Variants in STARD6 observed in about 807,000 individuals in gnomAD.
STARD6 encodes the protein StAR related lipid transfer domain containing 6, also known as stAR-related lipid transfer protein 6.
Under a neutral mutation model 22.3 loss-of-function variants are expected in STARD6, and 21 were observed. The observed-to-expected ratio is 0.94, with a 90% CI of 0.67 to 1.35. The LOEUF is 1.35. Among genes scored for constraint, STARD6 ranks in the 40% most tolerant of loss-of-function variants. The pLI, the probability that STARD6 is intolerant of heterozygous loss-of-function variation, is 0.00. For synonymous variants in STARD6, 80 were observed against 88.1 expected (o/e 0.91, Z 0.52); for missense variants, 269 against 266.9 (o/e 1.01, Z -0.05).
intron 4 of STARD6, among the ~76,000 whole-genome samples, chr18:54,345,662 C>T (rs1367475818): frequency 1.3e-5 from 2 of 152,128 alleles, no homozygotes; most frequent in Admixed American, 6.5e-5. Flanking sequence ...GTAAGACTCA[C>T]ACTTCTTAAT....
At chr18:54,331,055 G>A (rs771210631) in intron 6 of STARD6, among the ~76,000 whole-genome samples, 5 of 151,946 alleles carry the variant, frequency 3.3e-5, no homozygotes, top group Non-Finnish European at 5.9e-5. Context: ...AATAATTAAC[G>A]AAACGTAGTT....
Position 54,354,085 on chromosome 18 carries a change from T to G in STARD6, c.109A>C (p.Ser37Arg). 2 of 1,567,360 alleles carry G rather than the reference T, an allele frequency of 1.3e-6. No homozygotes were observed. Among genetic ancestry groups the G allele is most frequent in the Admixed American group, 3.6e-5 (2 of 55,856 alleles). ...VKTSKKITVSSKASRKFHGNL... is the reference protein window; with the variant it reads ...VKTSKKITVSRKASRKFHGNL... The stretch of plus-strand genomic sequence containing the variant: ...CCATGGAATTTTCTAGAAGCCTTAC[T>G]GGAAACAGTTATCTTTTTCTCAAAG... The change falls in exon 4 of 8, where the codon AGT becomes CGT. Residue 37 changes from serine (S) to arginine (R), a missense_variant. By Grantham distance (110) the Ser-to-Arg change is moderately radical. Transcript: ENST00000307844.
At position 54,354,581 on chromosome 18, in the gene STARD6, C is replaced by G; in HGVS notation, c.-4-4G>C. The G allele has an allele frequency of 6.2e-7, 1 of 1,606,136 alleles. No homozygotes were observed. Among genetic ancestry groups the G allele is most frequent in the Non-Finnish European group, 8.5e-7 (1 of 1,176,148 alleles). ...AATTGCCTTGAAGTCCATCTATCTG[C>G]AAGTTTTAAAAACAAACAACTGGTA... On this transcript the variant is annotated splice_region_variant and splice_polypyrimidine_tract_variant and intron_variant, in intron 2 of 7. Transcript: ENST00000307844.
At chr18:54,343,871 G>A (rs1286090131) in intron 4 of STARD6, among the ~76,000 whole-genome samples, 1 of 38,106 alleles carries the variant, frequency 2.6e-5, no homozygotes, top group Non-Finnish European at 4.6e-5. Context: ...CCCTCTGCCC[G>A]GCCAGCTGCC....
chr18:54,344,595 A>AAG (rs1185396671), intron 4 of STARD6, among the ~76,000 whole-genome samples: 1 of 148,240 alleles, frequency 6.7e-6, no homozygotes, highest in Admixed American at 6.7e-5. Context: ...AAAAAAAAAA[A>AAG]AAAAAAGAAA....
At chr18:54,329,235 C>T (rs749657991) in intron 7 of STARD6, 112 bp downstream of exon 7, 13 of 786,636 alleles carry the variant, frequency 1.7e-5, no homozygotes, top group South Asian at 8.0e-5. Flanking sequence ...GTTTTTTTCC[C>T]GCAACAGAAT....
In STARD6 at chr18:54,324,819, A is replaced by C; in HGVS notation, c.536T>G (p.Leu179Trp). The C allele has an allele frequency of 6.2e-7, 1 of 1,605,124 alleles. No individual in the cohort carries two copies. The highest frequency in any genetic ancestry group is 8.5e-7 in the Non-Finnish European group (1 of 1,176,824). ...MFVQTEMRGKLSPSIIEKTMP... is the reference protein window; with the variant it reads ...MFVQTEMRGKWSPSIIEKTMP... ...GGTTTTTTCAATTATTGATGGGGACAATTTTCCTCTCATTTCTGTCTGGAC... is the reference window on the plus strand; with the variant it reads ...GGTTTTTTCAATTATTGATGGGGACCATTTTCCTCTCATTTCTGTCTGGAC... Residue 179 changes from leucine (L) to tryptophan (W), a missense_variant, in exon 8 of 8, where the codon TTG becomes TGG. By Grantham distance (61) the Leu-to-Trp change is moderately conservative. Coordinates refer to ENST00000307844, the MANE Select transcript of STARD6 (RefSeq NM_139171.2).
chr18:54,346,535 T>A (rs1159326401), intron 4 of STARD6, among the ~76,000 whole-genome samples: 4 of 152,112 alleles, frequency 2.6e-5, no homozygotes, highest in African/African-American at 7.2e-5. Context: ...AATTGCCATA[T>A]GATCCAGCAA....
chr18:54,326,193 T>C (rs1048820642), intron 7 of STARD6, among the ~76,000 whole-genome samples: 3 of 152,118 alleles, frequency 2.0e-5, no homozygotes, highest in Non-Finnish European at 4.4e-5. Flanking sequence ...TTTACCTTGG[T>C]ATATAAAAAT....
chr18:54,339,313 AT>A (rs750008882), intron 4 of STARD6, among the ~76,000 whole-genome samples: 4 of 151,778 alleles, frequency 2.6e-5, no homozygotes, highest in African/African-American at 4.8e-5. Context: ...ATGCAAAAAA[AT>A]ATAGAAATAA....
At chr18:54,332,761 C>G (rs1404215454) in intron 5 of STARD6, among the ~76,000 whole-genome samples, 2 of 152,246 alleles carry the variant, frequency 1.3e-5, no homozygotes, top group East Asian at 3.9e-4. Flanking sequence ...CATCCTTGAC[C>G]AGGCATGGTG....
rs2089126188 is a variant in STARD6, at chr18:54,354,493, AAC to A, written c.79_80del (p.Val27Ter). The A allele has an allele frequency of 1.9e-6, 3 of 1,611,766 alleles. No individual in the cohort carries two copies. Among genetic ancestry groups the A allele is most frequent in the Non-Finnish European group, 1.7e-6 (2 of 1,178,892 alleles). On this transcript the variant is annotated frameshift_variant, in exon 3 of 8. Transcript: ENST00000307844. Reference sequence around the variant, plus strand: ...TAACTTATTTTCTTACTGAAGTTTTAACCACTTTCCAGCCTGATGTATCTCGA... The same window carrying A: ...TAACTTATTTTCTTACTGAAGTTTTACACTTTCCAGCCTGATGTATCTCGA... ...YNRDTSGWKV[V>X]KTSKKITVSS...
chr18:54,327,947 G>A (rs929478352), intron 7 of STARD6, among the ~76,000 whole-genome samples: 1 of 151,828 alleles, frequency 6.6e-6, no homozygotes, highest in Non-Finnish European at 1.5e-5. Context: ...GCTTTTAATT[G>A]TACATTGTTC....
intron 6 of STARD6, among the ~76,000 whole-genome samples, chr18:54,331,138 T>C (rs1387398318): frequency 1.3e-5 from 2 of 152,174 alleles, no homozygotes; most frequent in African/African-American, 4.8e-5. Context: ...GCCACTGTGA[T>C]ACCCAAGTTC....
chr18:54,354,047 T>A lies in STARD6; in HGVS notation c.140+7A>T. 1 of 1,544,700 alleles carries A rather than the reference T, an allele frequency of 6.5e-7. No individual in the cohort carries two copies. Among genetic ancestry groups the A allele is most frequent in the Non-Finnish European group, 8.8e-7 (1 of 1,135,592 alleles). On this transcript the variant is annotated splice_region_variant and intron_variant, in intron 4 of 7. Coordinates refer to ENST00000307844, the MANE Select transcript of STARD6 (RefSeq NM_139171.2). ...AACAGTAATTGTAAATAGAAGATTG[T>A]ACTCACAGATTTCCATGGAATTTTC...
rs764182815 is a variant in STARD6 at position 54,337,139 on chromosome 18, G to C, written c.253C>G (p.His85Asp). 7 of 1,611,632 alleles carry C rather than the reference G, an allele frequency of 4.3e-6. No individual in the cohort carries two copies. The South Asian group carries it at 5.5e-5, about 13-fold the overall frequency. The change falls in exon 5 of 8, where the codon CAC (histidine) becomes GAC (aspartate). Residue 85 changes from histidine (H) to aspartate (D), a missense_variant. His to Asp is a moderately conservative substitution (Grantham distance 81). Transcript: ENST00000307844. ...DKSLQVYNMV[H>D]RIDSDTFICH... ...CAACAAATTACCGAATCAATCCTGT[G>C]TACCATATTATACACTTGCAATGAT... is the stretch of plus-strand genomic sequence containing the variant.
intron 4 of STARD6, among the ~76,000 whole-genome samples, chr18:54,346,817 T>C (rs1307666437): frequency 1.3e-5 from 2 of 152,044 alleles, no homozygotes; most frequent in Non-Finnish European, 2.9e-5. Context: ...AAAGACCACA[T>C]AGCATGTGAT....
In STARD6 at chr18:54,329,423, GA is replaced by G. The variant is rs1281955590; in HGVS notation, c.402del (p.Pro135GlnfsTer33). 1.2e-6 allele frequency: 2 copies of G among 1,600,472 alleles called. No homozygotes were observed. Among genetic ancestry groups the G allele is most frequent in the Admixed American group, 3.5e-5 (2 of 57,656 alleles). The part of the protein sequence containing the change: ...MNIISSKSVD[F>X]PEYPPSSNYI... The stretch of plus-strand genomic sequence containing the variant: ...TAATTTGAAGATGGAGGATATTCTG[GA>G]AAATCCACACTTTTAGCTAAGAGAT... On this transcript the variant is annotated frameshift_variant, in exon 7 of 8. Coordinates refer to ENST00000307844, the MANE Select transcript of STARD6 (RefSeq NM_139171.2). LOFTEE classifies it high-confidence loss of function.
chr18:54,329,384 T>C lies in STARD6; in HGVS notation c.442A>G (p.Asn148Asp), dbSNP rs1568166111. 1 of 1,606,356 alleles carries C rather than the reference T, an allele frequency of 6.2e-7. No individual in the cohort carries two copies. Among genetic ancestry groups the C allele is most frequent in the East Asian group, 2.3e-5 (1 of 44,230 alleles). Residue 148 changes from asparagine (N) to aspartate (D), a missense_variant, in exon 7 of 8, where the codon AAC becomes GAC. Transcript: ENST00000307844. Reference protein sequence around the residue: ...PPSSNYIRGYNHPCGFVCSPM... With the variant: ...PPSSNYIRGYDHPCGFVCSPM... ...GAACATACAAAGCCACAAGGATGGT[T>C]ATAACCGCGGATATAATTTGAAGAT...
Sources: gnomAD v4.1 joint callset for allele counts (sites outside exome capture counted in the v4.1 genomes callset) on GRCh38, gnomAD v4.1.1 for gene constraint, MANE v1.5 for transcripts, NCBI Gene and HGNC (gene_info 2026-07-23, HGNC 2026-07-21) for gene names.